Variants in KCNH7 observed in about 807,000 individuals in gnomAD.
KCNH7 encodes potassium voltage-gated channel subfamily H member 7, also known as voltage-gated inwardly rectifying potassium channel KCNH7.
KCNH7 carries 49 observed loss-of-function variants against 120.8 expected under a neutral mutation model. The ratio of observed to expected loss-of-function variants is 0.41; its 90% CI spans 0.32 to 0.51. KCNH7 has a LOEUF of 0.51. Among genes scored for constraint, KCNH7 ranks in the 20% least tolerant of loss-of-function variants. The probability of loss-of-function intolerance (pLI) is 0.38; values close to 1 mark genes in which losing one functional copy is unlikely to be tolerated. For missense variants in KCNH7, 1,097 were observed against 1,446.6 expected, an observed-to-expected ratio of 0.76 and a Z score of 3.92; for synonymous variants, 547 against 516.1, an observed-to-expected ratio of 1.06 and a Z score of -0.81.
chr2:162,699,545 G>C (rs73014110), intron 2 of KCNH7, among the ~76,000 whole-genome samples: 2,389 of 152,118 alleles, frequency 0.016, 59 homozygotes, highest in African/African-American at 0.055. Context: ...TTTAAGTTCT[G>C]GGTTGCATGT....
intron 3 of KCNH7, among the ~76,000 whole-genome samples, chr2:162,527,111 A>G (rs1404361221): frequency 2.6e-5 from 4 of 151,940 alleles, no homozygotes; most frequent in Non-Finnish European, 5.9e-5. Context: ...ACGATGTTCA[A>G]ATCCTGGGGG....
In KCNH7 at chr2:162,520,265, C is replaced by T. The variant is rs562637401; in HGVS notation, c.464-2107G>A. The stretch of plus-strand genomic sequence containing the variant: ...TACTGTTCTCTCTCTTCCACTCATC[C>T]CCAATATTCCATTAATATCAATCCC... On this transcript the variant is annotated intron_variant, in intron 3 of 15. Coordinates refer to ENST00000332142, the MANE Select transcript of KCNH7 (RefSeq NM_033272.4). Among the ~76,000 whole-genome samples the T allele has an allele frequency of 8.0e-5, 12 of 150,096 alleles. No individual in the cohort carries two copies. The Admixed American group carries it at 8.0e-4, about 10-fold the overall frequency.
intron 2 of KCNH7, among the ~76,000 whole-genome samples, chr2:162,611,660 A>T (rs1682968999): frequency 6.6e-6 from 1 of 152,200 alleles, no homozygotes; most frequent in African/African-American, 2.4e-5. Flanking sequence ...TAACAAGAGT[A>T]AAAAGAGTTT....
intron 2 of KCNH7, among the ~76,000 whole-genome samples, chr2:162,605,567 T>C (rs571253739): frequency 6.6e-6 from 1 of 152,240 alleles, no homozygotes; most frequent in East Asian, 1.9e-4. Flanking sequence ...ACTGAATGCA[T>C]TTTTATTTTT....
At chr2:162,730,226 A>C (rs1191328005) in intron 2 of KCNH7, among the ~76,000 whole-genome samples, 1 of 151,806 alleles carries the variant, frequency 6.6e-6, no homozygotes, top group Non-Finnish European at 1.5e-5. Flanking sequence ...ACTAGAAAGA[A>C]TTAATAGAAT....
At chr2:162,666,272 A>T (rs1685128937) in intron 2 of KCNH7, among the ~76,000 whole-genome samples, 1 of 152,112 alleles carries the variant, frequency 6.6e-6, no homozygotes, top group African/African-American at 2.4e-5. Flanking sequence ...CAGCGCTAGA[A>T]GCTCAACCAT....
chr2:162,541,458 T>C (rs375070651), intron 2 of KCNH7, among the ~76,000 whole-genome samples: 15 of 152,034 alleles, frequency 9.9e-5, no homozygotes, highest in East Asian at 7.8e-4. Context: ...CCATCAGTGA[T>C]AGACTGGATC....
chr2:162,426,214 TAAAAAAA>T (rs751111957), intron 8 of KCNH7, among the ~76,000 whole-genome samples: 1 of 118,964 alleles, frequency 8.4e-6, no homozygotes, highest in Admixed American at 8.6e-5. Flanking sequence ...ACCCTATCTT[TAAAAAAA>T]AAAAAAAAAA....
chr2:162,518,399 A>T (rs934487959), intron 3 of KCNH7, among the ~76,000 whole-genome samples: 4 of 151,848 alleles, frequency 2.6e-5, no homozygotes, highest in Non-Finnish European at 5.9e-5. Flanking sequence ...CATCAGTGAC[A>T]TAAAAGTATT....
At chr2:162,570,381 T>A (rs1693424578) in intron 2 of KCNH7, among the ~76,000 whole-genome samples, 1 of 151,996 alleles carries the variant, frequency 6.6e-6, no homozygotes, top group African/African-American at 2.4e-5. Context: ...TCCATTTGCT[T>A]GGTAGATCTT....
intron 6 of KCNH7, among the ~76,000 whole-genome samples, chr2:162,462,697 T>C (rs1315964908): frequency 3.3e-5 from 5 of 152,000 alleles, no homozygotes; most frequent in Non-Finnish European, 7.4e-5. Context: ...GTTAGATGAT[T>C]CCTCATTATT....
intron 2 of KCNH7, among the ~76,000 whole-genome samples, chr2:162,590,247 G>A (rs1025471090): frequency 2.0e-5 from 3 of 152,062 alleles, no homozygotes; most frequent in Admixed American, 6.6e-5. Flanking sequence ...AACCACAGCA[G>A]GGCAGGAAAG....
intron 12 of KCNH7, among the ~76,000 whole-genome samples, 167 bp from the exon 13 acceptor site, chr2:162,385,106 TAGTAA>T (rs1686536182): frequency 6.6e-6 from 1 of 151,940 alleles, no homozygotes; most frequent in Admixed American, 6.6e-5. Context: ...TAGATTATCT[TAGTAA>T]AGTAAATTAT....
intron 12 of KCNH7, among the ~76,000 whole-genome samples, chr2:162,392,432 T>C (rs897697517): frequency 1.3e-5 from 2 of 151,864 alleles, no homozygotes; most frequent in Non-Finnish European, 2.9e-5. Context: ...ATAAAGCTAG[T>C]AGATGATCTC....
chr2:162,447,376 T>C (rs1357253098), intron 6 of KCNH7, among the ~76,000 whole-genome samples: 1 of 152,094 alleles, frequency 6.6e-6, no homozygotes, highest in Non-Finnish European at 1.5e-5. Flanking sequence ...ACAAAAAGGT[T>C]ACTTAGCTAC....
intron 7 of KCNH7, among the ~76,000 whole-genome samples, chr2:162,436,002 AACAG>A (rs1558944002): frequency 6.6e-6 from 1 of 152,166 alleles, no homozygotes; most frequent in Non-Finnish European, 1.5e-5. Flanking sequence ...ACAGCTATTT[AACAG>A]ACAAAGTGTC....
At chr2:162,761,748 G>C (rs940507475) in intron 2 of KCNH7, among the ~76,000 whole-genome samples, 3 of 152,054 alleles carry the variant, frequency 2.0e-5, no homozygotes, top group Non-Finnish European at 2.9e-5. Context: ...AAAGAAATCT[G>C]CCTGAGTGTG....
intron 2 of KCNH7, among the ~76,000 whole-genome samples, chr2:162,603,899 T>C (rs1694642481): frequency 6.6e-6 from 1 of 152,150 alleles, no homozygotes; most frequent in African/African-American, 2.4e-5. Context: ...CAGTATTGTT[T>C]TCATTTGTTA....
intron 2 of KCNH7, among the ~76,000 whole-genome samples, chr2:162,767,960 CA>C (rs1418798859): frequency 6.6e-6 from 1 of 152,096 alleles, no homozygotes; most frequent in Non-Finnish European, 1.5e-5. Flanking sequence ...TAGTATCCTA[CA>C]ACATTTTAAT....
Sources: gnomAD v4.1 joint callset for allele counts (sites outside exome capture counted in the v4.1 genomes callset) on GRCh38, gnomAD v4.1.1 for gene constraint, MANE v1.5 for transcripts, NCBI Gene and HGNC (gene_info 2026-07-23, HGNC 2026-07-21) for gene names.